The following ATIC variants were observed in gnomAD, a reference collection of about 807,000 sequenced individuals.
ATIC encodes 5-aminoimidazole-4-carboxamide ribonucleotide formyltransferase/IMP cyclohydrolase.
Under a neutral mutation model 72.5 loss-of-function variants are expected in ATIC, and 64 were observed. That is an observed-to-expected ratio of 0.88 (90% CI 0.72 to 1.09). The LOEUF (loss-of-function observed/expected upper bound fraction) is 1.09, where lower values mean the gene tolerates loss of function less well. Among genes scored for constraint, ATIC ranks in the 50% least tolerant of loss-of-function variants. The pLI, the probability that ATIC is intolerant of heterozygous loss-of-function variation, is 0.00. For missense variants in ATIC, 787 were observed against 732.4 expected, an observed-to-expected ratio of 1.07 and a Z score of -0.86; for synonymous variants, 281 against 267.1, an observed-to-expected ratio of 1.05 and a Z score of -0.51.
the ATIC span, chr2:215,367,977 T>C: frequency 6.2e-7 from 1 of 1,614,170 alleles, no homozygotes; most frequent in Middle Eastern, 1.6e-4. Flanking sequence ...TGGGAAACTG[T>C]GTAGGGGTCA....
chr2:215,345,319 C>T (rs906818686), intron 13 of ATIC: 3 of 234,960 alleles, frequency 1.3e-5, no homozygotes, highest in African/African-American at 6.8e-5. Flanking sequence ...GACTGCTAGA[C>T]TAGGAGTTAA....
downstream of ATIC, among the ~76,000 whole-genome samples, chr2:215,350,993 C>T (rs747554032): frequency 6.6e-6 from 1 of 152,178 alleles, no homozygotes; most frequent in Non-Finnish European, 1.5e-5. Context: ...AGGACCTGCC[C>T]ACATTGAAAC....
At chr2:215,314,888 GA>G (rs2052692904) in intron 2 of ATIC, among the ~76,000 whole-genome samples, 1 of 152,168 alleles carries the variant, frequency 6.6e-6, no homozygotes, top group Admixed American at 6.5e-5. Flanking sequence ...TATAATAAGA[GA>G]AAAGCATAAC....
chr2:215,344,988 C>G, intron 13 of ATIC, 117 bp downstream of exon 13: 1 of 1,134,522 alleles, frequency 8.8e-7, no homozygotes, highest in South Asian at 1.3e-5. Context: ...AAATGTTTGT[C>G]TTTTGTGTTT....
At chr2:215,364,458 G>T in the ATIC span, 1 of 279,100 alleles carries the variant, frequency 3.6e-6, no homozygotes, top group Non-Finnish European at 7.0e-6. Flanking sequence ...CCCAGGATGG[G>T]GAGAACCGGC....
At chr2:215,338,689 A>C in intron 11 of ATIC, 90 bp from the exon 12 acceptor site, 1 of 1,376,922 alleles carries the variant, frequency 7.3e-7, no homozygotes, top group Non-Finnish European at 9.9e-7. Context: ...ATATAACTTT[A>C]CTTACAATGA....
chr2:215,343,860 A>G (rs934992618), intron 12 of ATIC, among the ~76,000 whole-genome samples: 5 of 152,222 alleles, frequency 3.3e-5, no homozygotes, highest in African/African-American at 4.8e-5. Context: ...GACGTGGACT[A>G]TCATCCTTCT....
intron 14 of ATIC, 121 bp downstream of exon 14, chr2:215,347,062 G>A (rs1233887005): frequency 8.0e-7 from 1 of 1,243,328 alleles, no homozygotes; most frequent in East Asian, 2.5e-5. Flanking sequence ...ATTCTATGTT[G>A]TCTAAAATTG....
chr2:215,348,739 G>C (rs2053098029), intron 14 of ATIC: 1 of 375,548 alleles, frequency 2.7e-6, no homozygotes, highest in African/African-American at 2.2e-5. Context: ...GAGGTGAGTG[G>C]ATCATGAGGT....
At chr2:215,344,475 G>C (rs2053051196) in intron 12 of ATIC, among the ~76,000 whole-genome samples, 1 of 152,112 alleles carries the variant, frequency 6.6e-6, no homozygotes, top group Non-Finnish European at 1.5e-5. Flanking sequence ...TAGATGACTT[G>C]AGCTCAGGAG....
Position 215,346,787 on chromosome 2 carries a change from C to T in ATIC, c.1349C>T (p.Ser450Phe). 1 of 1,614,170 alleles carries T rather than the reference C, an allele frequency of 6.2e-7. No homozygotes were observed. The highest frequency in any genetic ancestry group is 8.5e-7 in the Non-Finnish European group (1 of 1,180,032). ...ATCGGCATTGGAGCAGGACAGCAGT[C>T]TCGTATACACTGCACTCGCCTTGCA... is the stretch of plus-strand genomic sequence containing the variant. The part of the protein sequence containing the change: ...QVIGIGAGQQ[S>F]RIHCTRLAGD... Residue 450 changes from serine (S) to phenylalanine (F), a missense_variant, in exon 14 of 16, where the codon TCT becomes TTT. Transcript: ENST00000236959.
chr2:215,331,404 C>T (rs1486615394), intron 7 of ATIC, among the ~76,000 whole-genome samples: 18 of 124,796 alleles, frequency 1.4e-4, no homozygotes, highest in Admixed American at 1.1e-3. Context: ...TTTTTTGAGA[C>T]GGAGTCTCGC....
chr2:215,364,264 A>G, the ATIC span: 1 of 175,268 alleles, frequency 5.7e-6, no homozygotes, highest in East Asian at 1.4e-4. Context: ...CTGAATCAAG[A>G]GAGAGGTTAA....
chr2:215,332,913 C>T (rs967715196), intron 8 of ATIC, among the ~76,000 whole-genome samples: 6 of 152,098 alleles, frequency 3.9e-5, no homozygotes, highest in African/African-American at 4.8e-5. Context: ...TCATGAACTC[C>T]GCAATTGAGT....
At chr2:215,337,608 C>T (rs1328221101) in intron 11 of ATIC, among the ~76,000 whole-genome samples, 1 of 152,218 alleles carries the variant, frequency 6.6e-6, no homozygotes, top group Non-Finnish European at 1.5e-5. Context: ...CTCAAGGGAT[C>T]TGCCCGCCTC....
chr2:215,347,483 G>A (rs779056804), intron 14 of ATIC: 8 of 422,142 alleles, frequency 1.9e-5, no homozygotes, highest in Non-Finnish European at 2.3e-5. Flanking sequence ...TAGGTAGCCC[G>A]CCAGAAGAAA....
intron 1 of ATIC, 99 bp from the exon 2 acceptor site, chr2:215,312,399 C>G: frequency 6.3e-7 from 1 of 1,599,520 alleles, no homozygotes; most frequent in African/African-American, 1.3e-5. Context: ...AGGTGCTGGC[C>G]TTGCGATTCG....
chr2:215,346,750 G>A lies in ATIC; in HGVS notation c.1321-9G>A. 6.2e-7 allele frequency: 1 copy of A among 1,613,978 alleles called. No homozygotes were observed. The highest frequency in any genetic ancestry group is 8.5e-7 in the Non-Finnish European group (1 of 1,179,928). On this transcript the variant is annotated splice_polypyrimidine_tract_variant and intron_variant, in intron 13 of 15. Transcript: ENST00000236959. ...AAGAGGTGTTCACTTTAATGTCTGT[G>A]TTCCTCAGGTTATCGGCATTGGAGC...
the ATIC span, chr2:215,363,196 T>C: frequency 6.6e-6 from 1 of 152,214 alleles, no homozygotes; most frequent in African/African-American, 2.4e-5. Context: ...AAATGTTTCA[T>C]TTAGCACTTG....
Sources: gnomAD v4.1 joint callset for allele counts (sites outside exome capture counted in the v4.1 genomes callset) on GRCh38, gnomAD v4.1.1 for gene constraint, MANE v1.5 for transcripts, NCBI Gene and HGNC (gene_info 2026-07-23, HGNC 2026-07-21) for gene names.